MOXD1: variants seen among roughly 807,000 people sequenced by gnomAD.
MOXD1 encodes monooxygenase DBH like 1.
In MOXD1, 62 loss-of-function variants were observed where a neutral mutation model predicts 66.6. The observed-to-expected ratio is 0.93, with a 90% CI of 0.76 to 1.15. MOXD1 has a LOEUF of 1.15. Ranked by LOEUF, MOXD1 falls within the 50% of genes most tolerant of loss-of-function variation. The pLI, the probability that MOXD1 is intolerant of heterozygous loss-of-function variation, is 0.00. For missense variants in MOXD1, 847 were observed against 754.6 expected, an observed-to-expected ratio of 1.12 and a Z score of -1.44; for synonymous variants, 303 against 281.9, an observed-to-expected ratio of 1.07 and a Z score of -0.75.
intron 1 of MOXD1, among the ~76,000 whole-genome samples, chr6:132,385,219 G>A (rs1457641651): frequency 6.6e-6 from 1 of 152,072 alleles, no homozygotes; most frequent in Non-Finnish European, 1.5e-5. Flanking sequence ...TTAAGTTTAA[G>A]ATGCCTACCC....
chr6:132,344,802 G>C (rs1402500345), intron 4 of MOXD1, among the ~76,000 whole-genome samples: 2 of 152,124 alleles, frequency 1.3e-5, no homozygotes, highest in South Asian at 2.1e-4. Flanking sequence ...TTTGAGTTGA[G>C]AGCACTACCC....
chr6:132,332,660 T>C (rs1179838222), intron 4 of MOXD1, among the ~76,000 whole-genome samples: 1 of 152,128 alleles, frequency 6.6e-6, no homozygotes, highest in Non-Finnish European at 1.5e-5. Flanking sequence ...TTGGCTCAAA[T>C]GCTTAGCACA....
intron 1 of MOXD1, among the ~76,000 whole-genome samples, chr6:132,383,293 T>A (rs1273753197): frequency 1.3e-5 from 2 of 152,186 alleles, no homozygotes; most frequent in Admixed American, 6.5e-5. Context: ...ATAAACACAA[T>A]CTTCAGAGTT....
chr6:132,394,070 T>C (rs1271375792), intron 1 of MOXD1, among the ~76,000 whole-genome samples: 1 of 152,206 alleles, frequency 6.6e-6, no homozygotes, highest in Non-Finnish European at 1.5e-5. Context: ...GAGAGGCTAA[T>C]GCTCAACCCA....
At chr6:132,298,866 T>C (rs1045138852) in intron 10 of MOXD1, among the ~76,000 whole-genome samples, 1 of 152,154 alleles carries the variant, frequency 6.6e-6, no homozygotes, top group African/African-American at 2.4e-5. Flanking sequence ...AGTTTGTAGA[T>C]TTCTCAAAGA....
At chr6:132,320,574 A>G in intron 9 of MOXD1, 55 bp downstream of exon 9, 1 of 1,416,386 alleles carries the variant, frequency 7.1e-7, no homozygotes, top group Non-Finnish European at 9.6e-7. Context: ...TCTAAAATCA[A>G]GTTTATTTCT....
chr6:132,335,859 T>A (rs1775425226), intron 4 of MOXD1, among the ~76,000 whole-genome samples: 1 of 152,220 alleles, frequency 6.6e-6, no homozygotes. Flanking sequence ...AAATACACAT[T>A]TCTCATACAT....
intron 4 of MOXD1, among the ~76,000 whole-genome samples, chr6:132,354,541 T>A (rs1775870549): frequency 6.6e-6 from 1 of 152,218 alleles, no homozygotes; most frequent in Admixed American, 6.5e-5. Flanking sequence ...TACCAGCACC[T>A]GTTCCAGTGG....
intron 10 of MOXD1, among the ~76,000 whole-genome samples, chr6:132,303,700 T>C (rs1038363203): frequency 5.4e-5 from 4 of 74,522 alleles, no homozygotes; most frequent in African/African-American, 1.3e-4. Flanking sequence ...GAGGGCTGAC[T>C]GTATACATAC....
intron 1 of MOXD1, chr6:132,390,358 C>T (rs1224440975): frequency 6.6e-6 from 1 of 151,512 alleles, no homozygotes; most frequent in Non-Finnish European, 1.5e-5. Context: ...ACTTGGGACA[C>T]TTGTTTTCTT....
At chr6:132,341,711 C>T (rs754655837) in intron 4 of MOXD1, among the ~76,000 whole-genome samples, 7 of 152,182 alleles carry the variant, frequency 4.6e-5, no homozygotes, top group South Asian at 4.1e-4. Context: ...CGATTTCATT[C>T]GTGCTGTTTT....
Position 132,297,315 on chromosome 6 carries a change from A to C in MOXD1, c.1680T>G (p.Ile560Met). ...CSKTDNAEWS[I>M]QGMTALPPDI... is the part of the protein sequence containing the mutation. ...CTGGAGGTAATGCTGTCATTCCTTG[A>C]ATCTGAAAATGGAAGCACAAACAAT... Residue 560 changes from isoleucine (I) to methionine (M), a missense_variant and splice_region_variant, in exon 12 of 12, where the codon ATT becomes ATG. Physicochemically the swap from Ile to Met is conservative, Grantham distance 10. Transcript: ENST00000367963. The C allele has an allele frequency of 6.2e-7, 1 of 1,612,210 alleles. No homozygotes were observed. Among genetic ancestry groups the C allele is most frequent in the Non-Finnish European group, 8.5e-7 (1 of 1,179,024 alleles).
At chr6:132,364,463 G>C (rs1776075503) in intron 4 of MOXD1, among the ~76,000 whole-genome samples, 2 of 152,106 alleles carry the variant, frequency 1.3e-5, no homozygotes, top group Admixed American at 1.3e-4. Flanking sequence ...CATCTTTGCT[G>C]AAAATTATTT....
chr6:132,326,791 G>A (rs1460161229), intron 6 of MOXD1, among the ~76,000 whole-genome samples: 1 of 152,096 alleles, frequency 6.6e-6, no homozygotes, highest in South Asian at 2.1e-4. Context: ...TTACTTTAGG[G>A]TAAAAAAAGA....
At chr6:132,305,933 C>T (rs1237692600) in intron 10 of MOXD1, among the ~76,000 whole-genome samples, 1 of 152,082 alleles carries the variant, frequency 6.6e-6, no homozygotes, top group Non-Finnish European at 1.5e-5. Context: ...TGCTGAAAAT[C>T]CAAAAGGTCA....
At chr6:132,310,086 T>G (rs1291110363) in intron 10 of MOXD1, among the ~76,000 whole-genome samples, 1 of 151,918 alleles carries the variant, frequency 6.6e-6, no homozygotes, top group Non-Finnish European at 1.5e-5. Flanking sequence ...TGGGAGAAAA[T>G]TTTTGTAATC....
chr6:132,374,306 C>A (rs577497349), intron 2 of MOXD1, among the ~76,000 whole-genome samples: 1 of 152,104 alleles, frequency 6.6e-6, no homozygotes, highest in East Asian at 1.9e-4. Context: ...TACATTTCTT[C>A]AAACATTTAT....
chr6:132,379,697 G>T (rs1336951161), intron 1 of MOXD1, among the ~76,000 whole-genome samples: 1 of 152,100 alleles, frequency 6.6e-6, no homozygotes, highest in Non-Finnish European at 1.5e-5. Flanking sequence ...TTTTCACTTG[G>T]AAGTCTTATT....
At chr6:132,365,626 T>C (rs1432649008) in intron 4 of MOXD1, among the ~76,000 whole-genome samples, 1 of 152,152 alleles carries the variant, frequency 6.6e-6, no homozygotes, top group Non-Finnish European at 1.5e-5. Flanking sequence ...ATAAATCACT[T>C]CCATGAAAAG....
Sources: gnomAD v4.1 joint callset for allele counts (sites outside exome capture counted in the v4.1 genomes callset) on GRCh38, gnomAD v4.1.1 for gene constraint, MANE v1.5 for transcripts, NCBI Gene and HGNC (gene_info 2026-07-23, HGNC 2026-07-21) for gene names.